PPFIA2: variants seen among roughly 807,000 people sequenced by gnomAD.
PPFIA2 encodes liprin-alpha-2.
Under a neutral mutation model 175.5 loss-of-function variants are expected in PPFIA2, and 46 were observed. The ratio of observed to expected loss-of-function variants is 0.26; its 90% CI spans 0.21 to 0.34. The LOEUF is 0.34. PPFIA2 is among the 10% of genes least tolerant of loss of function. The pLI is 1.00. For missense variants in PPFIA2, 1,179 were observed against 1,506.1 expected, an observed-to-expected ratio of 0.78 and a Z score of 3.60; for synonymous variants, 568 against 511.4, an observed-to-expected ratio of 1.11 and a Z score of -1.49.
intron 4 of PPFIA2, among the ~76,000 whole-genome samples, chr12:81,484,181 T>C (rs760004450): frequency 1.3e-5 from 2 of 151,914 alleles, no homozygotes; most frequent in Non-Finnish European, 2.9e-5. Context: ...AAGCCTAAAA[T>C]GCTGACAGAA....
chr12:81,721,244 G>A (rs1300739553), intron 3 of PPFIA2, among the ~76,000 whole-genome samples: 1 of 151,208 alleles, frequency 6.6e-6, no homozygotes, highest in Non-Finnish European at 1.5e-5. Flanking sequence ...GGTTTTCCTA[G>A]AAAAATTTCC....
intron 8 of PPFIA2, among the ~76,000 whole-genome samples, chr12:81,387,343 A>G (rs1334525722): frequency 6.6e-6 from 1 of 152,178 alleles, no homozygotes; most frequent in Non-Finnish European, 1.5e-5. Flanking sequence ...TTATTGCACA[A>G]TATTGCATAG....
chr12:81,676,903 A>C, intron 3 of PPFIA2, 59 bp from the exon 4 acceptor site: 1 of 1,204,324 alleles, frequency 8.3e-7, no homozygotes, highest in Non-Finnish European at 1.2e-6. Flanking sequence ...AGAATCCCCC[A>C]GTCCCACAGT....
intron 22 of PPFIA2, among the ~76,000 whole-genome samples, chr12:81,307,311 T>TC (rs143632319): frequency 0.016 from 2,418 of 152,322 alleles, 67 homozygotes; most frequent in African/African-American, 0.056. Flanking sequence ...GTATCATGCA[T>TC]CTTTCTCTGG....
At chr12:81,475,052 T>C (rs962435768) in intron 4 of PPFIA2, among the ~76,000 whole-genome samples, 7 of 152,202 alleles carry the variant, frequency 4.6e-5, no homozygotes, top group Non-Finnish European at 7.3e-5. Flanking sequence ...TACTACTCTT[T>C]CTTTGATTTT....
intron 3 of PPFIA2, among the ~76,000 whole-genome samples, chr12:81,709,666 C>G (rs528985692): frequency 6.6e-6 from 1 of 151,898 alleles, no homozygotes; most frequent in African/African-American, 2.4e-5. Flanking sequence ...TAAGCAGATC[C>G]CTGTAGCAAA....
chr12:81,513,891 T>C (rs1015704898), intron 4 of PPFIA2, among the ~76,000 whole-genome samples: 4 of 151,998 alleles, frequency 2.6e-5, no homozygotes, highest in Non-Finnish European at 1.5e-5. Flanking sequence ...GGCAATAAAT[T>C]AGCAGCCTGA....
intron 7 of PPFIA2, among the ~76,000 whole-genome samples, chr12:81,434,870 CAT>C (rs1056158239): frequency 9.2e-5 from 14 of 152,070 alleles, no homozygotes; most frequent in African/African-American, 3.1e-4. Flanking sequence ...ACTACAGAAA[CAT>C]ATGGTATATA....
At chr12:81,636,810 G>A (rs1385362188) in intron 4 of PPFIA2, among the ~76,000 whole-genome samples, 4 of 151,636 alleles carry the variant, frequency 2.6e-5, no homozygotes, top group African/African-American at 7.3e-5. Flanking sequence ...GTACCACCAC[G>A]CCCAAGTAAA....
chr12:81,553,412 A>T (rs1266384244), intron 4 of PPFIA2, among the ~76,000 whole-genome samples: 1 of 151,944 alleles, frequency 6.6e-6, no homozygotes, highest in East Asian at 1.9e-4. Flanking sequence ...AGCTTGTCCT[A>T]CTCCCATCAA....
At chr12:81,480,260 A>G (rs1014353667) in intron 4 of PPFIA2, among the ~76,000 whole-genome samples, 1 of 151,966 alleles carries the variant, frequency 6.6e-6, no homozygotes, top group East Asian at 1.9e-4. Flanking sequence ...TAGCTCCATC[A>G]GGTCATTTAT....
chr12:81,452,592 T>C (rs935001099), intron 5 of PPFIA2, among the ~76,000 whole-genome samples: 9 of 152,242 alleles, frequency 5.9e-5, no homozygotes, highest in Admixed American at 5.2e-4. Flanking sequence ...TAAATAACTA[T>C]ATACGCACAT....
intron 4 of PPFIA2, among the ~76,000 whole-genome samples, chr12:81,652,367 A>G (rs989472254): frequency 2.6e-5 from 4 of 151,506 alleles, no homozygotes; most frequent in African/African-American, 7.3e-5. Context: ...TCAGAATTTC[A>G]TTTCCATCTC....
At chr12:81,367,491 T>G (rs572513432) in intron 13 of PPFIA2, among the ~76,000 whole-genome samples, 17 of 151,646 alleles carry the variant, frequency 1.1e-4, no homozygotes, top group Non-Finnish European at 1.0e-4. Flanking sequence ...ATTCTTCAAG[T>G]AAGAAAAAGT....
At chr12:81,494,181 C>T (rs375793713) in intron 4 of PPFIA2, among the ~76,000 whole-genome samples, 3 of 152,014 alleles carry the variant, frequency 2.0e-5, no homozygotes, top group East Asian at 3.9e-4. Flanking sequence ...AAAAAATTTT[C>T]GCAACCTACT....
chr12:81,449,950 C>T (rs1230858038), intron 5 of PPFIA2, among the ~76,000 whole-genome samples: 1 of 152,120 alleles, frequency 6.6e-6, no homozygotes, highest in Non-Finnish European at 1.5e-5. Flanking sequence ...TCATCCATGT[C>T]CCTACAAAGG....
chr12:81,275,272 A>G (rs1446224328), intron 28 of PPFIA2, among the ~76,000 whole-genome samples: 1 of 152,228 alleles, frequency 6.6e-6, no homozygotes, highest in African/African-American at 2.4e-5. Flanking sequence ...GATAATGGAA[A>G]AGCACTTTCG....
intron 4 of PPFIA2, among the ~76,000 whole-genome samples, chr12:81,624,423 CTTA>C (rs985690168): frequency 4.8e-5 from 7 of 146,470 alleles, no homozygotes; most frequent in Non-Finnish European, 7.5e-5. Flanking sequence ...AATATATATA[CTTA>C]TTATATACAT....
At chr12:81,679,714 TAAAA>T (rs1034679665) in intron 3 of PPFIA2, among the ~76,000 whole-genome samples, 1 of 151,916 alleles carries the variant, frequency 6.6e-6, no homozygotes, top group Non-Finnish European at 1.5e-5. Context: ...CATTCAATTG[TAAAA>T]AAATGTTTGA....
Sources: allele counts gnomAD v4.1 joint callset (sites outside exome capture counted in the v4.1 genomes callset), GRCh38; gene constraint gnomAD v4.1.1; transcripts MANE v1.5; gene names NCBI Gene and HGNC (gene_info 2026-07-23, HGNC 2026-07-21).